The following TMEM132C variants were observed in gnomAD, a reference collection of about 807,000 sequenced individuals.
TMEM132C encodes transmembrane protein 132C.
Under a neutral mutation model 61.4 loss-of-function variants are expected in TMEM132C, and 29 were observed. The observed-to-expected ratio is 0.47, with a 90% CI of 0.35 to 0.64. TMEM132C has a LOEUF of 0.64. TMEM132C is among the 30% of genes least tolerant of loss of function. TMEM132C has a pLI of 0.00. For missense variants in TMEM132C, 1,408 were observed against 1,476.9 expected (o/e 0.95, Z 0.76); for synonymous variants, 656 against 633.1 (o/e 1.04, Z -0.54).
intron 4 of TMEM132C, among the ~76,000 whole-genome samples, chr12:128,627,710 C>CAGA (rs941535527): frequency 3.3e-5 from 5 of 152,184 alleles, no homozygotes; most frequent in Non-Finnish European, 7.3e-5. Flanking sequence ...CTGCTGCCTT[C>CAGA]AACCCCAGAC....
chr12:128,616,644 G>T (rs1876811761), intron 4 of TMEM132C, among the ~76,000 whole-genome samples: 1 of 152,158 alleles, frequency 6.6e-6, no homozygotes, highest in Non-Finnish European at 1.5e-5. Flanking sequence ...CTAAAAGGAT[G>T]GTCAGCTTTG....
chr12:128,346,638 T>A (rs190697658), intron 1 of TMEM132C, among the ~76,000 whole-genome samples: 2 of 152,314 alleles, frequency 1.3e-5, no homozygotes, highest in Non-Finnish European at 2.9e-5. Context: ...CCTGTATTCC[T>A]AGATATTTTA....
chr12:128,666,863 G>A (rs1236524536), intron 4 of TMEM132C, among the ~76,000 whole-genome samples: 2 of 152,228 alleles, frequency 1.3e-5, no homozygotes, highest in African/African-American at 4.8e-5. Flanking sequence ...GAGGTCAGGA[G>A]ATCGAGACCA....
At position 128,705,222 on chromosome 12, in the gene TMEM132C, T is replaced by C. The variant is rs775771064; in HGVS notation, c.2254T>C (p.Ser752Pro). ...TGTCGTGTCAGTCCCCCAGCCCCGCTCTCCCAGGTGGCCCGTTGTGGTGGC... is the reference window on the plus strand; with the variant it reads ...TGTCGTGTCAGTCCCCCAGCCCCGCCCTCCCAGGTGGCCCGTTGTGGTGGC... ...EAVVSVPQPR[S>P]PRWPVVVAEG... The change falls in exon 9 of 9, where the codon TCT becomes CCT. Residue 752 changes from serine to proline, a missense_variant. Transcript: ENST00000435159. 1 of 1,551,558 alleles carries C rather than the reference T, an allele frequency of 6.4e-7. No individual in the cohort carries two copies.
At chr12:128,379,653 T>A (rs1565918207) in intron 1 of TMEM132C, among the ~76,000 whole-genome samples, 1 of 152,178 alleles carries the variant, frequency 6.6e-6, no homozygotes, top group Non-Finnish European at 1.5e-5. Context: ...CTTTTCTTCC[T>A]CTGGAAAAGG....
rs543574879 is a variant in TMEM132C, at chr12:128,705,856, C to G, written c.2888C>G (p.Ala963Gly). ...RHKQVPLEGQ[A>G]SMTHSHDWVW... Reference sequence around the variant, plus strand: ...AAGCAAGTGCCCCTGGAAGGTCAGGCCTCCATGACCCACTCTCACGACTGG... The same window carrying G: ...AAGCAAGTGCCCCTGGAAGGTCAGGGCTCCATGACCCACTCTCACGACTGG... The change falls in exon 9 of 9, where the codon GCC becomes GGC. Residue 963 changes from alanine to glycine, a missense_variant. Physicochemically the swap from Ala to Gly is moderately conservative, Grantham distance 60. Transcript: ENST00000435159. 10 of 1,551,644 alleles carry G rather than the reference C, an allele frequency of 6.4e-6. No homozygotes were observed. The highest frequency in any genetic ancestry group is 8.7e-6 in the Non-Finnish European group (10 of 1,147,036).
At chr12:128,682,852 C>G (rs2135642094) in intron 5 of TMEM132C, among the ~76,000 whole-genome samples, 1 of 152,302 alleles carries the variant, frequency 6.6e-6, no homozygotes, top group East Asian at 1.9e-4. Flanking sequence ...TCCGAGGCCT[C>G]CAGGGAACAA....
chr12:128,312,683 G>C (rs1872012406), intron 1 of TMEM132C, among the ~76,000 whole-genome samples: 1 of 152,192 alleles, frequency 6.6e-6, no homozygotes, highest in African/African-American at 2.4e-5. Context: ...TCATGAAACA[G>C]ACTCGCCCTG....
chr12:128,575,789 A>C (rs1169893470), intron 3 of TMEM132C, among the ~76,000 whole-genome samples: 1 of 152,222 alleles, frequency 6.6e-6, no homozygotes, highest in Non-Finnish European at 1.5e-5. Flanking sequence ...TACAAACATC[A>C]TAGAATCAAA....
At chr12:128,368,680 G>A (rs1221307359) in intron 1 of TMEM132C, among the ~76,000 whole-genome samples, 1 of 152,202 alleles carries the variant, frequency 6.6e-6, no homozygotes, top group Non-Finnish European at 1.5e-5. Context: ...TGGTTGGAAA[G>A]CATCTTGTCT....
chr12:128,616,248 G>T lies in TMEM132C; in HGVS notation c.1218G>T (p.Glu406Asp). 2.6e-6 allele frequency: 4 copies of T among 1,551,784 alleles called. No individual in the cohort carries two copies. Among genetic ancestry groups the T allele is most frequent in the Non-Finnish European group, 3.5e-6 (4 of 1,147,026 alleles). Residue 406 changes from glutamate (E) to aspartate (D), a missense_variant, in exon 4 of 9, where the codon GAG (glutamate) becomes GAT (aspartate). By Grantham distance (45) the Glu-to-Asp change is conservative (BLOSUM62 2). Transcript: ENST00000435159. ...SGTQPITWQV[E>D]YPRKGTTDIA... ...CTCAGCCCATCACGTGGCAGGTGGA[G>T]TACCCACGGAAGGGGACCACAGACA...
At chr12:128,682,566 G>T (rs1335235201) in intron 5 of TMEM132C, among the ~76,000 whole-genome samples, 2 of 152,224 alleles carry the variant, frequency 1.3e-5, no homozygotes, top group Non-Finnish European at 2.9e-5. Flanking sequence ...CAGCACTGCT[G>T]GCGTGGCCGT....
intron 3 of TMEM132C, among the ~76,000 whole-genome samples, chr12:128,610,984 A>G (rs1042727351): frequency 6.6e-6 from 1 of 152,196 alleles, no homozygotes; most frequent in Non-Finnish European, 1.5e-5. Context: ...AAAGCCACTG[A>G]GCCTGAATGC....
intron 2 of TMEM132C, among the ~76,000 whole-genome samples, chr12:128,457,651 A>G (rs1870392534): frequency 6.6e-6 from 1 of 152,010 alleles, no homozygotes; most frequent in Non-Finnish European, 1.5e-5. Context: ...AAGCCAACCT[A>G]TGAAGTAGGC....
At chr12:128,639,296 ATGATGATGG>A (rs1954135508) in intron 4 of TMEM132C, among the ~76,000 whole-genome samples, 1 of 148,816 alleles carries the variant, frequency 6.7e-6, no homozygotes, top group Admixed American at 6.7e-5. Context: ...AATGGTGATG[ATGATGATGG>A]TGATGATGGT....
chr12:128,291,514 C>CA (rs1270824525), intron 1 of TMEM132C, among the ~76,000 whole-genome samples: 1 of 152,206 alleles, frequency 6.6e-6, no homozygotes, highest in Admixed American at 6.5e-5. Context: ...ATTCCCAGAA[C>CA]AGCAGAAATA....
At chr12:128,638,441 A>C (rs913380123) in intron 4 of TMEM132C, among the ~76,000 whole-genome samples, 1 of 152,186 alleles carries the variant, frequency 6.6e-6, no homozygotes, top group Admixed American at 6.5e-5. Flanking sequence ...TTTCATTTCC[A>C]CAGTGATAAT....
At chr12:128,663,202 G>T (rs34498199) in intron 4 of TMEM132C, among the ~76,000 whole-genome samples, 27,306 of 152,194 alleles carry the variant, frequency 0.18, 2,586 homozygotes, top group Middle Eastern at 0.25. Context: ...CAGAACACGT[G>T]CATCACCACA....
chr12:128,512,892 T>C (rs1164757818), intron 2 of TMEM132C, among the ~76,000 whole-genome samples: 1 of 152,198 alleles, frequency 6.6e-6, no homozygotes, highest in African/African-American at 2.4e-5. Context: ...GCCAAGAATG[T>C]GTGACTTTCC....
Sources: gnomAD v4.1 joint callset for allele counts (sites outside exome capture counted in the v4.1 genomes callset) on GRCh38, gnomAD v4.1.1 for gene constraint, MANE v1.5 for transcripts, NCBI Gene and HGNC (gene_info 2026-07-23, HGNC 2026-07-21) for gene names.